The following SETD5 variants were observed in gnomAD, a reference collection of about 807,000 sequenced individuals.
The protein encoded by SETD5 is SET domain containing 5.
SETD5 carries 44 observed loss-of-function variants against 153.3 expected under a neutral mutation model. That is an observed-to-expected ratio of 0.29 (90% CI 0.23 to 0.37). SETD5 has a LOEUF of 0.37. SETD5 is among the 10% of genes least tolerant of loss of function. The pLI, the probability that SETD5 is intolerant of heterozygous loss-of-function variation, is 1.00. For missense variants in SETD5, 1,544 were observed against 1,768.0 expected (o/e 0.87, Z 2.27); for synonymous variants, 716 against 645.2 (o/e 1.11, Z -1.66).
At chr3:9,437,809 C>T (rs2040768794) in intron 7 of SETD5, among the ~76,000 whole-genome samples, 1 of 151,974 alleles carries the variant, frequency 6.6e-6, no homozygotes, top group South Asian at 2.1e-4. Context: ...TCAAGACCAG[C>T]CTGGCCAACA....
At chr3:9,463,478 A>G (rs114515234) in intron 17 of SETD5, among the ~76,000 whole-genome samples, 1,720 of 152,368 alleles carry the variant, frequency 0.011, 11 homozygotes, top group Non-Finnish European at 0.018. Context: ...GAATCAAGTG[A>G]GAAAGGTGCT....
chr3:9,426,166 A>G (rs1283324443), intron 2 of SETD5: 1 of 148,186 alleles, frequency 6.7e-6, no homozygotes, highest in Non-Finnish European at 1.5e-5. Flanking sequence ...GGGAAAGGAA[A>G]CATACATGTG....
intron 16 of SETD5, among the ~76,000 whole-genome samples, chr3:9,452,751 T>G (rs1057335249): frequency 2.5e-4 from 37 of 150,124 alleles, no homozygotes; most frequent in African/African-American, 8.6e-4. Flanking sequence ...TGCTCTCTGG[T>G]GAAGAGAGTA....
chr3:9,419,806 G>T (rs2038101734), intron 1 of SETD5, among the ~76,000 whole-genome samples: 1 of 152,106 alleles, frequency 6.6e-6, no homozygotes, highest in Admixed American at 6.5e-5. Context: ...GATATTAATG[G>T]CTCATAAATG....
In SETD5 at chr3:9,447,191, G is replaced by A. The variant is rs1293756213; in HGVS notation, c.1666G>A (p.Glu556Lys). ...AACCACCTCAGAGACTCCTGTTGGT[G>A]AAGAGACAAAAACTGAAGCCCCTGA... ...TTTTSETPVGEETKTEAPESE... is the reference protein window; with the variant it reads ...TTTTSETPVGKETKTEAPESE... Residue 556 changes from glutamate to lysine, a missense_variant, in exon 14 of 23, where the codon GAA (glutamate) becomes AAA (lysine). Around this residue, in one of 9 missense-constraint regions of SETD5, gnomAD observed 782 missense variants for 787.2 expected, o/e 0.99. Coordinates refer to ENST00000402198, the MANE Select transcript of SETD5 (RefSeq NM_001080517.3). 6.2e-7 allele frequency: 1 copy of A among 1,614,024 alleles called. No homozygotes were observed. The highest frequency in any genetic ancestry group is 8.5e-7 in the Non-Finnish European group (1 of 1,179,902).
At chr3:9,398,794 A>G (rs2034218825) in intron 1 of SETD5, among the ~76,000 whole-genome samples, 1 of 152,146 alleles carries the variant, frequency 6.6e-6, no homozygotes, top group African/African-American at 2.4e-5. Flanking sequence ...ATCGCATGAG[A>G]GGGAAAGTTA....
rs779726946 is a variant in SETD5, at chr3:9,425,817, G to A, written c.-117+1291G>A. On this transcript the variant is annotated intron_variant, in intron 2 of 22. Transcript: ENST00000402198. ...TTTAAATGGGTGTACAGTCGTAATGGCTACAACAAAGGGTTTTTAATGATA... is the reference window on the plus strand; with the variant it reads ...TTTAAATGGGTGTACAGTCGTAATGACTACAACAAAGGGTTTTTAATGATA... Among the ~76,000 whole-genome samples, 14 of 152,186 alleles carry A rather than the reference G, an allele frequency of 9.2e-5. No individual in the cohort carries two copies. In the South Asian group the frequency reaches 1.5e-3, roughly 16 times the overall value.
At chr3:9,425,154 C>T (rs1395640483) in intron 2 of SETD5, among the ~76,000 whole-genome samples, 3 of 149,894 alleles carry the variant, frequency 2.0e-5, no homozygotes, top group Non-Finnish European at 3.0e-5. Flanking sequence ...CTCCGGCTCC[C>T]GGGTTCAAGC....
intron 14 of SETD5, 62 bp from the exon 15 acceptor site, chr3:9,447,624 G>T (rs2042166805): frequency 6.5e-7 from 1 of 1,527,764 alleles, no homozygotes; most frequent in Non-Finnish European, 8.9e-7. Flanking sequence ...AAGTGAATAG[G>T]AAATTAGACT....
Position 9,435,810 on chromosome 3 carries a change from T to C in SETD5, c.471T>C (p.Pro157=). Residue 157 remains proline (P), a synonymous_variant, in exon 7 of 23, where the codon CCT becomes CCC. Transcript: ENST00000402198. ...TGTATACAGCAACACAGCACACACCTACAAGCATCACCTTAACTGTTAGAA... is the reference window on the plus strand; with the variant it reads ...TGTATACAGCAACACAGCACACACCCACAAGCATCACCTTAACTGTTAGAA... The part of the protein sequence containing the change: ...TVLYTATQHT[P]TSITLTVRRT... 6.2e-7 allele frequency: 1 copy of C among 1,602,464 alleles called. No individual in the cohort carries two copies. The highest frequency in any genetic ancestry group is 8.5e-7 in the Non-Finnish European group (1 of 1,174,352).
Position 9,446,155 on chromosome 3 carries a change from C to T in SETD5, c.1524+415C>T, listed in dbSNP as rs561418251. ...ACAAAAAATTAGCCGGGCGCGGTGGCGGGTGCCTGTAGTCCCAGCTACTCG... is the reference window on the plus strand; with the variant it reads ...ACAAAAAATTAGCCGGGCGCGGTGGTGGGTGCCTGTAGTCCCAGCTACTCG... On this transcript the variant is annotated intron_variant, in intron 13 of 22. Coordinates refer to ENST00000402198, the MANE Select transcript of SETD5 (RefSeq NM_001080517.3). Among the ~76,000 whole-genome samples, 144 of 150,860 alleles carry T rather than the reference C, an allele frequency of 9.5e-4. 1 individual carries two copies. The highest frequency in any genetic ancestry group is 3.1e-3 in the African/African-American group (128 of 41,156).
chr3:9,474,981 G>T, intron 21 of SETD5, 87 bp from the exon 22 acceptor site: 1 of 1,195,562 alleles, frequency 8.4e-7, no homozygotes. Flanking sequence ...GGTTGGTGAT[G>T]GCACTGGTGA....
At chr3:9,440,247 T>C (rs1269614319) in intron 7 of SETD5, among the ~76,000 whole-genome samples, 1 of 152,154 alleles carries the variant, frequency 6.6e-6, no homozygotes, top group Non-Finnish European at 1.5e-5. Flanking sequence ...AGCTTCCCCA[T>C]TTAAAGAAGT....
intron 18 of SETD5, chr3:9,464,960 T>G: frequency 2.3e-6 from 1 of 438,210 alleles, no homozygotes; most frequent in South Asian, 2.2e-5. Flanking sequence ...ATGCTAGATC[T>G]CCATCGTTAT....
intron 1 of SETD5, among the ~76,000 whole-genome samples, chr3:9,414,592 T>C (rs930112653): frequency 1.3e-5 from 2 of 152,190 alleles, no homozygotes; most frequent in Admixed American, 1.3e-4. Flanking sequence ...CTGTCTTGGC[T>C]AAATAGGTAA....
At position 9,476,118 on chromosome 3, in the gene SETD5, TG is replaced by T; in HGVS notation, c.*28del. 6.2e-7 allele frequency: 1 copy of T among 1,602,788 alleles called. No homozygotes were observed. Among genetic ancestry groups the T allele is most frequent in the African/African-American group, 1.3e-5 (1 of 74,734 alleles). On this transcript the variant is annotated 3_prime_UTR_variant, in exon 23 of 23. Transcript: ENST00000402198. ...GCTTCTGGATTTGGGCAAACAGAACTGAATGAGCCCATAGCTGCTTCCTTCC... is the reference window on the plus strand; with the variant it reads ...GCTTCTGGATTTGGGCAAACAGAACTAATGAGCCCATAGCTGCTTCCTTCC...
At chr3:9,421,748 G>A (rs2038442813) in intron 1 of SETD5, among the ~76,000 whole-genome samples, 1 of 152,088 alleles carries the variant, frequency 6.6e-6, no homozygotes, top group Non-Finnish European at 1.5e-5. Context: ...TTCCCAAAAA[G>A]TGTTTTCTCT....
At chr3:9,401,765 T>C (rs1376160396) in intron 1 of SETD5, among the ~76,000 whole-genome samples, 2 of 152,340 alleles carry the variant, frequency 1.3e-5, no homozygotes, top group East Asian at 3.9e-4. Context: ...ACTCTGGTGA[T>C]TCATCAGTTT....
intron 17 of SETD5, among the ~76,000 whole-genome samples, chr3:9,459,854 AAC>A (rs1412221570): frequency 3.9e-5 from 6 of 152,168 alleles, no homozygotes; most frequent in Admixed American, 2.6e-4. Context: ...GAGAAGTCAT[AAC>A]ACAGTGACTT....
Sources: allele counts gnomAD v4.1 joint callset (sites outside exome capture counted in the v4.1 genomes callset), GRCh38; gene constraint gnomAD v4.1.1; regional missense constraint gnomAD v4.1.1; transcripts MANE v1.5; gene names NCBI Gene and HGNC (gene_info 2026-07-23, HGNC 2026-07-21).